Variants in ADAM7 observed in about 807,000 individuals in gnomAD.
ADAM7 encodes the protein disintegrin and metalloproteinase domain-containing protein 7.
Under a neutral mutation model 102.9 loss-of-function variants are expected in ADAM7, and 97 were observed. The observed-to-expected ratio is 0.94, with a 90% CI of 0.80 to 1.12. The LOEUF is 1.12. Among genes scored for constraint, ADAM7 ranks in the 50% most tolerant of loss-of-function variants. The pLI is 0.00. For missense variants in ADAM7, 991 were observed against 908.7 expected, an observed-to-expected ratio of 1.09 and a Z score of -1.16; for synonymous variants, 334 against 304.4, an observed-to-expected ratio of 1.10 and a Z score of -1.01.
chr8:24,444,383 C>T (rs1398618956), intron 2 of ADAM7, among the ~76,000 whole-genome samples: 1 of 151,712 alleles, frequency 6.6e-6, no homozygotes, highest in African/African-American at 2.4e-5. Context: ...ACCTAAATCC[C>T]CACCCATTAA....
In ADAM7 at chr8:24,508,615, A is replaced by G; in HGVS notation, c.*69A>G. 1.9e-6 allele frequency: 3 copies of G among 1,610,066 alleles called. No individual in the cohort carries two copies. The highest frequency in any genetic ancestry group is 2.5e-6 in the Non-Finnish European group (3 of 1,177,786). On this transcript the variant is annotated 3_prime_UTR_variant, in exon 22 of 22. Transcript: ENST00000175238. ...GGGATTCTGGATGCAACGTCTTTAC[A>G]ACCTTACCTAGATATCTGCTACTCA...
At chr8:24,450,920 A>G (rs990944817) in intron 3 of ADAM7, among the ~76,000 whole-genome samples, 4 of 152,134 alleles carry the variant, frequency 2.6e-5, no homozygotes, top group East Asian at 1.9e-4. Context: ...TGTGGTTTTC[A>G]TCTTTGGTTC....
chr8:24,459,952 T>A (rs13271777), intron 3 of ADAM7, among the ~76,000 whole-genome samples: 5,087 of 152,226 alleles, frequency 0.033, 136 homozygotes, highest in Non-Finnish European at 0.047. Context: ...TTCATTTAGA[T>A]ACATCTCAAA....
At chr8:24,483,414 C>T (rs984783822) in intron 9 of ADAM7, among the ~76,000 whole-genome samples, 9 of 152,166 alleles carry the variant, frequency 5.9e-5, no homozygotes, top group Admixed American at 5.9e-4. Context: ...ACTCTTCCTA[C>T]TTTATATACC....
At chr8:24,464,703 C>T (rs13276906) in intron 4 of ADAM7, among the ~76,000 whole-genome samples, 1 of 152,268 alleles carries the variant, frequency 6.6e-6, no homozygotes, top group Non-Finnish European at 1.5e-5. Context: ...CAGGTTCAAG[C>T]GATTCTCCTG....
At chr8:24,448,440 A>T (rs77018514) in intron 3 of ADAM7, among the ~76,000 whole-genome samples, 1 of 152,136 alleles carries the variant, frequency 6.6e-6, no homozygotes, top group Admixed American at 6.6e-5. Flanking sequence ...TAATTTCAAC[A>T]TCTGTAATAG....
At chr8:24,445,706 A>G (rs1327191151) in intron 2 of ADAM7, among the ~76,000 whole-genome samples, 2 of 152,158 alleles carry the variant, frequency 1.3e-5, no homozygotes, top group African/African-American at 4.8e-5. Flanking sequence ...TTCTGCCTAG[A>G]TATTTTGCTT....
intron 13 of ADAM7, among the ~76,000 whole-genome samples, chr8:24,491,217 G>T (rs551119619): frequency 1.3e-5 from 2 of 152,224 alleles, no homozygotes; most frequent in East Asian, 3.9e-4. Context: ...AGAGCTAAAA[G>T]GGAAAGGGGT....
At chr8:24,480,905 T>C (rs1819927429) in intron 8 of ADAM7, among the ~76,000 whole-genome samples, 1 of 151,680 alleles carries the variant, frequency 6.6e-6, no homozygotes, top group Non-Finnish European at 1.5e-5. Context: ...AAGAAATAAA[T>C]AAATAAAATA....
At chr8:24,493,989 A>G (rs1269580996) in intron 16 of ADAM7, among the ~76,000 whole-genome samples, 2 of 152,184 alleles carry the variant, frequency 1.3e-5, no homozygotes, top group Non-Finnish European at 1.5e-5. Context: ...AGATGACAAC[A>G]TTAGAATGCA....
chr8:24,470,871 A>T (rs541451802), intron 7 of ADAM7, among the ~76,000 whole-genome samples: 3 of 152,324 alleles, frequency 2.0e-5, no homozygotes, highest in African/African-American at 4.8e-5. Context: ...TGATATATTT[A>T]AAAAGTTAAC....
Position 24,495,141 on chromosome 8 carries a change from C to G in ADAM7, c.1842+1912C>G, listed in dbSNP as rs565287242. Among the ~76,000 whole-genome samples, 8 of 152,232 alleles carry G rather than the reference C, an allele frequency of 5.3e-5. No homozygotes were observed. The South Asian group carries it at 1.5e-3, about 28-fold the overall frequency. ...GTGAAGCAGTGATTCTCTTCCATAA[C>G]AGGAATGGTTTTAGAGAAGATCTGC... On this transcript the variant is annotated intron_variant, in intron 16 of 21. Transcript: ENST00000175238.
chr8:24,454,651 G>A (rs376889325), intron 3 of ADAM7, among the ~76,000 whole-genome samples: 68 of 152,214 alleles, frequency 4.5e-4, no homozygotes, highest in East Asian at 3.9e-3. Context: ...TGCACGGTGC[G>A]CTGCACCCAC....
At chr8:24,442,357 C>A in intron 1 of ADAM7, 116 bp from the exon 2 acceptor site, 1 of 754,100 alleles carries the variant, frequency 1.3e-6, no homozygotes, top group Non-Finnish European at 2.4e-6. Flanking sequence ...CATAGTGTTG[C>A]TGTCCATGGC....
chr8:24,491,967 C>G lies in ADAM7; in HGVS notation c.1421C>G (p.Thr474Ser). The part of the protein sequence containing the change: ...KDECDFPEMC[T>S]GHSPACPKDQ... The stretch of plus-strand genomic sequence containing the variant: ...GAATGTGATTTTCCTGAGATGTGCA[C>G]TGGCCACTCGCCTGCCTGTCCTAAG... The change falls in exon 14 of 22, where the codon ACT becomes AGT. Residue 474 changes from threonine (T) to serine (S), a missense_variant. By Grantham distance (58) the Thr-to-Ser change is moderately conservative (BLOSUM62 1). Coordinates refer to ENST00000175238, the MANE Select transcript of ADAM7 (RefSeq NM_003817.4). The G allele has an allele frequency of 6.2e-7, 1 of 1,613,886 alleles. No individual in the cohort carries two copies. The highest frequency in any genetic ancestry group is 1.1e-5 in the South Asian group (1 of 91,062).
intron 20 of ADAM7, chr8:24,506,261 T>C: frequency 1.1e-6 from 1 of 891,474 alleles, no homozygotes; most frequent in Non-Finnish European, 1.7e-6. Context: ...ACCAATAATA[T>C]AACATCGATA....
rs1021646052 is a variant in ADAM7 at position 24,443,848 on chromosome 8, C to G, written c.156+1272C>G. Among the ~76,000 whole-genome samples the G allele has an allele frequency of 3.9e-5, 6 of 152,038 alleles. No individual in the cohort carries two copies. In the South Asian group the frequency reaches 6.2e-4, roughly 16 times the overall value. ...AGCTACTCCGGAGGCTGAGGTGAATCGCTTGAACCCAGGAGGCAGAGGTTG... is the reference window on the plus strand; with the variant it reads ...AGCTACTCCGGAGGCTGAGGTGAATGGCTTGAACCCAGGAGGCAGAGGTTG... On this transcript the variant is annotated intron_variant, in intron 2 of 21. Coordinates refer to ENST00000175238, the MANE Select transcript of ADAM7 (RefSeq NM_003817.4).
In ADAM7 at chr8:24,466,826, A is replaced by G. The variant is rs1819442379; in HGVS notation, c.417A>G (p.Arg139=). The change falls in exon 6 of 22, where the codon AGA becomes AGG. Residue 139 remains arginine (R), a synonymous_variant. Coordinates refer to ENST00000175238, the MANE Select transcript of ADAM7 (RefSeq NM_003817.4). The part of the protein sequence containing the change: ...LRGFFRINDQ[R]YLIEPVKYSD... ...GATTCTTCAGAATAAACGACCAAAG[A>G]TACCTCATTGAACCAGTGAAATACT... 6.2e-7 allele frequency: 1 copy of G among 1,613,470 alleles called. No homozygotes were observed. The highest frequency in any genetic ancestry group is 2.2e-5 in the East Asian group (1 of 44,868).
chr8:24,454,190 A>T (rs1563375286), intron 3 of ADAM7, among the ~76,000 whole-genome samples: 2 of 152,216 alleles, frequency 1.3e-5, no homozygotes, highest in Admixed American at 1.3e-4. Context: ...AAGCTGTCAG[A>T]CAGGGACATT....
Sources: gnomAD v4.1 joint callset for allele counts (sites outside exome capture counted in the v4.1 genomes callset) on GRCh38, gnomAD v4.1.1 for gene constraint, MANE v1.5 for transcripts, NCBI Gene and HGNC (gene_info 2026-07-23, HGNC 2026-07-21) for gene names.